Variants in GSPT1 observed in about 807,000 individuals in gnomAD.
GSPT1 encodes the protein eukaryotic peptide chain release factor GTP-binding subunit ERF3A.
In GSPT1, 20 loss-of-function variants were observed where a neutral mutation model predicts 72.5. That is an observed-to-expected ratio of 0.28 (90% CI 0.19 to 0.40). The LOEUF is 0.40. Among genes scored for constraint, GSPT1 ranks in the 10% least tolerant of loss-of-function variants. The pLI is 1.00. For missense variants in GSPT1, 580 were observed against 811.9 expected, an observed-to-expected ratio of 0.71 and a Z score of 3.47; for synonymous variants, 334 against 293.5, an observed-to-expected ratio of 1.14 and a Z score of -1.41.
chr16:11,915,314 C>G, intron 1 of GSPT1, 55 bp downstream of exon 1: 1 of 1,412,284 alleles, frequency 7.1e-7, no homozygotes. Flanking sequence ...CGCACCCCTA[C>G]GCCATGTGGG....
chr16:11,890,792 A>C, intron 6 of GSPT1: 1 of 240,998 alleles, frequency 4.1e-6, no homozygotes, highest in Non-Finnish European at 8.0e-6. Flanking sequence ...GTAAGTTTTC[A>C]GTGGTTGCAA....
intron 11 of GSPT1, among the ~76,000 whole-genome samples, chr16:11,878,703 A>T (rs951891793): frequency 3.3e-5 from 5 of 152,144 alleles, no homozygotes; most frequent in African/African-American, 1.2e-4. Context: ...CTGTGGCAGC[A>T]AGGTGAAGCA....
intron 1 of GSPT1, among the ~76,000 whole-genome samples, chr16:11,912,787 T>G (rs949676291): frequency 1.3e-5 from 2 of 152,230 alleles, no homozygotes; most frequent in African/African-American, 4.8e-5. Context: ...ACCTCACTTT[T>G]TAAGGAGAAT....
intron 1 of GSPT1, among the ~76,000 whole-genome samples, chr16:11,900,124 G>A (rs1480641551): frequency 6.6e-6 from 1 of 151,858 alleles, no homozygotes; most frequent in Admixed American, 6.6e-5. Flanking sequence ...ATTTGAGTTC[G>A]GGAGTTCAAG....
At chr16:11,893,585 T>G (rs772550840) in intron 5 of GSPT1, among the ~76,000 whole-genome samples, 12 of 152,184 alleles carry the variant, frequency 7.9e-5, no homozygotes, top group Non-Finnish European at 1.6e-4. Context: ...CTTCCTTGAC[T>G]CAATCCAATT....
intron 11 of GSPT1, among the ~76,000 whole-genome samples, chr16:11,879,382 A>T (rs2054091160): frequency 6.6e-6 from 1 of 151,604 alleles, no homozygotes; most frequent in Non-Finnish European, 1.5e-5. Flanking sequence ...CCACAGAAGG[A>T]GACTCCGTCT....
chr16:11,868,429 C>T lies in GSPT1; in HGVS notation c.*4690G>A, dbSNP rs1462636769. On this transcript the variant is annotated 3_prime_UTR_variant, in exon 15 of 15. Transcript: ENST00000434724. ...GTCTAGCGAAAACTAGTCACTAAGT[C>T]CTGGCCTGAGAGATACCCACATTTC... The T allele has an allele frequency of 6.7e-6, 1 of 149,670 alleles. No homozygotes were observed. The highest frequency in any genetic ancestry group is 1.5e-5 in the Non-Finnish European group (1 of 67,806). The allele number at this position is 149,670 out of a possible 1,614,324, so 9.3% of individuals were successfully genotyped here. A position where few individuals can be genotyped will look rare whatever the true frequency, so the allele number is the denominator to read the frequency against.
intron 1 of GSPT1, among the ~76,000 whole-genome samples, chr16:11,907,649 A>G (rs1437016145): frequency 1.3e-5 from 2 of 152,210 alleles, no homozygotes; most frequent in Non-Finnish European, 2.9e-5. Flanking sequence ...CAGATCAAGC[A>G]CTAAACTAGC....
chr16:11,900,484 C>T (rs1297728782), intron 1 of GSPT1, among the ~76,000 whole-genome samples: 1 of 151,600 alleles, frequency 6.6e-6, no homozygotes, highest in Admixed American at 6.6e-5. Context: ...TTTTATTGAG[C>T]CCTAAGTGCC....
chr16:11,902,238 C>T (rs573942787), intron 1 of GSPT1, among the ~76,000 whole-genome samples: 3 of 151,122 alleles, frequency 2.0e-5, no homozygotes, highest in East Asian at 4.0e-4. Flanking sequence ...AAAAATTAGC[C>T]GGGCTTGGTG....
intron 6 of GSPT1, 141 bp from the exon 7 acceptor site, chr16:11,887,891 G>A (rs1177726245): frequency 3.0e-6 from 2 of 670,920 alleles, no homozygotes; most frequent in Non-Finnish European, 5.0e-6. Flanking sequence ...TGAGCCGGGT[G>A]CGGTGGCTCA....
rs2053966263 is a variant in GSPT1 at position 11,870,453 on chromosome 16, T to TA, written c.*2665dup. 1 of 152,246 alleles carries TA rather than the reference T, an allele frequency of 6.6e-6. No individual in the cohort carries two copies. Among genetic ancestry groups the TA allele is most frequent in the Admixed American group, 6.5e-5 (1 of 15,278 alleles). 9.4% of individuals were successfully genotyped at this position (152,246 alleles called of 1,614,324 possible). A position where few individuals can be genotyped will look rare whatever the true frequency, so the allele number is the denominator to read the frequency against. On this transcript the variant is annotated 3_prime_UTR_variant, in exon 15 of 15. Coordinates refer to ENST00000434724, the MANE Select transcript of GSPT1 (RefSeq NM_002094.4). Reference sequence around the variant, plus strand: ...AAAAATCATTCTAGTAGAGCAACGTTAGAGAACAAATGCTTAGGTAATACC... The same window carrying TA: ...AAAAATCATTCTAGTAGAGCAACGTTAAGAGAACAAATGCTTAGGTAATACC...
At chr16:11,907,690 G>A (rs1430825804) in intron 1 of GSPT1, among the ~76,000 whole-genome samples, 1 of 152,082 alleles carries the variant, frequency 6.6e-6, no homozygotes, top group Non-Finnish European at 1.5e-5. Flanking sequence ...AGACTCAATG[G>A]TGTCATTAAC....
At chr16:11,916,037 C>G (rs981176390), upstream of GSPT1, 5 of 636,232 alleles carry the variant, frequency 7.9e-6, no homozygotes, top group Non-Finnish European at 1.5e-5. Context: ...CGCCGCCACC[C>G]GTACCTTCGC....
intron 5 of GSPT1, among the ~76,000 whole-genome samples, chr16:11,891,612 G>A (rs1043946792): frequency 4.7e-5 from 7 of 149,990 alleles, no homozygotes; most frequent in South Asian, 4.2e-4. Context: ...TCCACCTGCC[G>A]CAGCCTCCCA....
chr16:11,910,791 A>T (rs2054547823), intron 1 of GSPT1, among the ~76,000 whole-genome samples: 1 of 152,244 alleles, frequency 6.6e-6, no homozygotes, highest in Non-Finnish European at 1.5e-5. Context: ...ATGCAATAAG[A>T]TATGTACTGA....
chr16:11,885,343 A>C (rs2141284989), intron 9 of GSPT1, 69 bp from the exon 10 acceptor site: 1 of 743,854 alleles, frequency 1.3e-6, no homozygotes. Context: ...TTACATGACT[A>C]TAAACAGCTT....
chr16:11,902,771 G>C (rs1482988905), intron 1 of GSPT1, among the ~76,000 whole-genome samples: 2 of 152,002 alleles, frequency 1.3e-5, no homozygotes, highest in African/African-American at 4.8e-5. Flanking sequence ...AGTTTTAGTA[G>C]AGACGGGGGT....
chr16:11,915,654 T>C lies in GSPT1; in HGVS notation c.67A>G (p.Ser23Gly), dbSNP rs2054624796. ...GGGGSSSGSS[S>G]SDSAPDCWDQ... is the part of the protein sequence containing the mutation. ...CAGCAGTCAGGCGCCGAGTCGCTGC[T>C]GCTGCTGCCGCTGCTGCTCCCGCCG... The change falls in exon 1 of 15, where the codon AGC (serine) becomes GGC (glycine). Residue 23 changes from serine (S) to glycine (G), a missense_variant. Transcript: ENST00000434724. The C allele has an allele frequency of 6.7e-7, 1 of 1,487,934 alleles. No homozygotes were observed. Among genetic ancestry groups the C allele is most frequent in the Non-Finnish European group, 8.9e-7 (1 of 1,123,624 alleles). 92.2% of individuals were successfully genotyped at this position (1,487,934 alleles called of 1,614,324 possible).
Sources: gnomAD v4.1 joint callset for allele counts (sites outside exome capture counted in the v4.1 genomes callset) on GRCh38, gnomAD v4.1.1 for gene constraint, MANE v1.5 for transcripts, NCBI Gene and HGNC (gene_info 2026-07-23, HGNC 2026-07-21) for gene names.